Variants in ABI1 observed in about 807,000 individuals in gnomAD.
ABI1 encodes the protein Abelson interactor 1.
A neutral mutation model predicts 54.6 loss-of-function variants in ABI1; 14 were observed. The observed-to-expected ratio is 0.26, with a 90% CI of 0.17 to 0.40. ABI1 has a LOEUF of 0.40. Ranked by LOEUF, ABI1 falls within the 10% of genes least tolerant of loss-of-function variation. The probability of loss-of-function intolerance (pLI) is 1.00; values close to 1 mark genes in which losing one functional copy is unlikely to be tolerated. For synonymous variants in ABI1, 194 were observed against 209.3 expected, an observed-to-expected ratio of 0.93 and a Z score of 0.63; for missense variants, 443 against 598.3, an observed-to-expected ratio of 0.74 and a Z score of 2.71.
At chr10:26,797,957 T>C (rs908763721) in intron 2 of ABI1, among the ~76,000 whole-genome samples, 28 of 152,126 alleles carry the variant, frequency 1.8e-4, no homozygotes, top group African/African-American at 6.0e-4. Context: ...ATATGGCACA[T>C]TAGATAACCT....
At chr10:26,793,652 C>A (rs529597591) in intron 2 of ABI1, among the ~76,000 whole-genome samples, 80 of 152,136 alleles carry the variant, frequency 5.3e-4, no homozygotes, top group Non-Finnish European at 1.0e-3. Context: ...TAATTACATA[C>A]CCACCTCAAA....
intron 6 of ABI1, among the ~76,000 whole-genome samples, 183 bp from the exon 7 acceptor site, chr10:26,765,501 T>C (rs1220442209): frequency 6.6e-6 from 1 of 152,130 alleles, no homozygotes; most frequent in Non-Finnish European, 1.5e-5. Context: ...AGTCCTGCAG[T>C]TGGCCCTACA....
At chr10:26,825,695 C>T (rs890032779) in intron 1 of ABI1, among the ~76,000 whole-genome samples, 3 of 152,092 alleles carry the variant, frequency 2.0e-5, no homozygotes, top group Admixed American at 6.6e-5. Flanking sequence ...TTTAATGAGT[C>T]AATCCTTTCA....
intron 1 of ABI1, among the ~76,000 whole-genome samples, chr10:26,837,530 CA>C (rs1425474116): frequency 6.6e-6 from 1 of 152,166 alleles, no homozygotes; most frequent in Non-Finnish European, 1.5e-5. Context: ...TAACTTCAAA[CA>C]TTAGGAAATG....
At chr10:26,814,127 G>A (rs10159978) in intron 2 of ABI1, among the ~76,000 whole-genome samples, 25,741 of 151,992 alleles carry the variant, frequency 0.17, 2,667 homozygotes, top group South Asian at 0.3. Context: ...GTTATATAAG[G>A]TTTTGTGAGC....
At chr10:26,839,218 C>G (rs142678918) in intron 1 of ABI1, among the ~76,000 whole-genome samples, 30 of 152,202 alleles carry the variant, frequency 2.0e-4, no homozygotes, top group African/African-American at 7.0e-4. Context: ...TTTAACTAGC[C>G]AGGTATGGTG....
intron 2 of ABI1, among the ~76,000 whole-genome samples, chr10:26,799,286 G>A (rs543307563): frequency 1.3e-5 from 2 of 151,722 alleles, no homozygotes; most frequent in Admixed American, 6.6e-5. Flanking sequence ...ATATAATATC[G>A]AGAACTATAA....
At chr10:26,803,563 A>T (rs146624309) in intron 2 of ABI1, among the ~76,000 whole-genome samples, 3 of 152,216 alleles carry the variant, frequency 2.0e-5, no homozygotes, top group Non-Finnish European at 4.4e-5. Context: ...CAATTTCCCA[A>T]ATTTTGACTT....
chr10:26,751,863 T>C, intron 9 of ABI1, 80 bp from the exon 10 acceptor site: 1 of 1,324,106 alleles, frequency 7.6e-7, no homozygotes. Context: ...TTAAGAAAGC[T>C]CTAACTTAAG....
chr10:26,752,916 A>T (rs982227535), intron 9 of ABI1, among the ~76,000 whole-genome samples: 3 of 152,210 alleles, frequency 2.0e-5, no homozygotes, highest in Admixed American at 1.3e-4. Context: ...TTGATACAGG[A>T]ATTACATAAT....
chr10:26,788,639 G>A lies in ABI1; in HGVS notation c.286-11398C>T, dbSNP rs574973230. Reference sequence around the variant, plus strand: ...AGATACCAGCAGTTTGAGGCCGGGTGCAGTGGCTCACGCCTGTAATCCCAG... The same window carrying A: ...AGATACCAGCAGTTTGAGGCCGGGTACAGTGGCTCACGCCTGTAATCCCAG... On this transcript the variant is annotated intron_variant, in intron 2 of 10. Coordinates refer to ENST00000376140, the MANE Select transcript of ABI1 (RefSeq NM_001012750.3). 4.6e-5 allele frequency among the ~76,000 whole-genome samples: 7 copies of A among 152,172 alleles called. 1 individual carries two copies. In the Middle Eastern group the frequency reaches 0.01, roughly 222 times the overall value.
At chr10:26,852,481 A>G (rs1392690455) in intron 1 of ABI1, among the ~76,000 whole-genome samples, 1 of 152,182 alleles carries the variant, frequency 6.6e-6, no homozygotes, top group Non-Finnish European at 1.5e-5. Context: ...CTCTGTCTCA[A>G]AAAAATAAAA....
rs115920904 is a variant in ABI1 at position 26,799,266 on chromosome 10, T to C, written c.286-22025A>G. Among the ~76,000 whole-genome samples the C allele has an allele frequency of 6.1e-3, 923 of 152,082 alleles. 13 individuals carry two copies. The highest frequency in any genetic ancestry group is 0.021 in the African/African-American group (860 of 41,522). The stretch of plus-strand genomic sequence containing the variant: ...AAGATATATTCTGCATATTAATATA[T>C]AGTATATTAATATAATATCGAGAAC... On this transcript the variant is annotated intron_variant, in intron 2 of 10. Transcript: ENST00000376140.
rs542105028 is a variant in ABI1, at chr10:26,847,645, G to C, written c.117+13102C>G. Reference sequence around the variant, plus strand: ...TCTTTAAAAAAAACAAGCAAAATTTGATTATTATTAATTTTAAGGGAAGAT... The same window carrying C: ...TCTTTAAAAAAAACAAGCAAAATTTCATTATTATTAATTTTAAGGGAAGAT... On this transcript the variant is annotated intron_variant, in intron 1 of 10. Transcript: ENST00000376140. Among the ~76,000 whole-genome samples the C allele has an allele frequency of 3.8e-4, 57 of 151,312 alleles. No homozygotes were observed. In the South Asian group the frequency reaches 8.4e-3, roughly 22 times the overall value.
At chr10:26,805,344 A>G (rs1282613551) in intron 2 of ABI1, among the ~76,000 whole-genome samples, 1 of 152,032 alleles carries the variant, frequency 6.6e-6, no homozygotes, top group African/African-American at 2.4e-5. Flanking sequence ...CCAAAAGAAC[A>G]TGAAATTTGG....
chr10:26,818,633 A>C (rs373887792), intron 2 of ABI1, among the ~76,000 whole-genome samples: 2 of 147,922 alleles, frequency 1.4e-5, no homozygotes, highest in African/African-American at 2.5e-5. Context: ...CCCCGTCACA[A>C]AAAAAAAAAA....
chr10:26,784,059 C>A (rs1217363011), intron 2 of ABI1, among the ~76,000 whole-genome samples: 2 of 152,082 alleles, frequency 1.3e-5, no homozygotes, highest in South Asian at 4.1e-4. Context: ...ACCTTAGATG[C>A]GGGGAAGTAA....
chr10:26,755,511 C>CACGG, intron 9 of ABI1, 144 bp downstream of exon 9: 3 of 588,516 alleles, frequency 5.1e-6, no homozygotes, highest in Non-Finnish European at 8.8e-6. Context: ...GAAGACCGTG[C>CACGG]TCTTCAGTTT....
At chr10:26,829,225 CAA>C (rs1396857931) in intron 1 of ABI1, among the ~76,000 whole-genome samples, 28 of 86,528 alleles carry the variant, frequency 3.2e-4, no homozygotes, top group Admixed American at 5.2e-4. Context: ...GATTCTGTCT[CAA>C]AAAAAAAAAA....
Sources: gnomAD v4.1 joint callset for allele counts (sites outside exome capture counted in the v4.1 genomes callset) on GRCh38, gnomAD v4.1.1 for gene constraint, MANE v1.5 for transcripts, NCBI Gene and HGNC (gene_info 2026-07-23, HGNC 2026-07-21) for gene names.